The following THSD7A variants were observed in gnomAD, a reference collection of about 807,000 sequenced individuals.
THSD7A encodes the protein thrombospondin type 1 domain containing 7A.
Under a neutral mutation model 231.3 loss-of-function variants are expected in THSD7A, and 96 were observed. The ratio of observed to expected loss-of-function variants is 0.41; its 90% CI spans 0.35 to 0.49. The LOEUF (loss-of-function observed/expected upper bound fraction) is 0.49, where lower values mean the gene tolerates loss of function less well. Among genes scored for constraint, THSD7A ranks in the 20% least tolerant of loss-of-function variants. The pLI, the probability that THSD7A is intolerant of heterozygous loss-of-function variation, is 0.05. For synonymous variants in THSD7A, 940 were observed against 743.3 expected (o/e 1.26, Z -4.30); for missense variants, 2,290 against 2,070.2 (o/e 1.11, Z -2.06).
At position 11,447,429 on chromosome 7, in the gene THSD7A, A is replaced by G. The variant is rs1785007771; in HGVS notation, c.2606-5T>C. The G allele has an allele frequency of 6.5e-7, 1 of 1,544,230 alleles. No individual in the cohort carries two copies. Among genetic ancestry groups the G allele is most frequent in the Admixed American group, 2.1e-5 (1 of 46,798 alleles). Reference sequence around the variant, plus strand: ...CTTGCTTGCGACAAGTAATGGCTAAAAGAAAAGCATAAAGCTGTTATAACA... The same window carrying G: ...CTTGCTTGCGACAAGTAATGGCTAAGAGAAAAGCATAAAGCTGTTATAACA... On this transcript the variant is annotated splice_polypyrimidine_tract_variant and splice_region_variant and intron_variant, in intron 11 of 27. Transcript: ENST00000423059.
chr7:11,545,592 G>C (rs1789345549), intron 4 of THSD7A, among the ~76,000 whole-genome samples: 1 of 152,080 alleles, frequency 6.6e-6, no homozygotes, highest in South Asian at 2.1e-4. Context: ...CTCTGCACTG[G>C]GCTACTGAGC....
chr7:11,643,178 G>A (rs560961846), intron 1 of THSD7A, among the ~76,000 whole-genome samples: 3 of 152,134 alleles, frequency 2.0e-5, no homozygotes, highest in Admixed American at 1.3e-4. Flanking sequence ...GAGATAGTGT[G>A]TTTTCCCCTT....
chr7:11,409,039 T>A (rs905585016), intron 19 of THSD7A, among the ~76,000 whole-genome samples: 1 of 152,246 alleles, frequency 6.6e-6, no homozygotes, highest in Non-Finnish European at 1.5e-5. Flanking sequence ...CCTGTACTAC[T>A]TTTTTCCTTA....
intron 24 of THSD7A, among the ~76,000 whole-genome samples, chr7:11,379,935 G>A (rs558193138): frequency 1.3e-5 from 2 of 152,148 alleles, no homozygotes; most frequent in African/African-American, 4.8e-5. Context: ...GTACTCAGCA[G>A]GTATTCAACA....
intron 6 of THSD7A, among the ~76,000 whole-genome samples, chr7:11,524,333 C>G (rs905618397): frequency 6.6e-6 from 1 of 152,072 alleles, no homozygotes; most frequent in Admixed American, 6.6e-5. Flanking sequence ...CTTCTGGGCT[C>G]TGTCATGTTG....
At chr7:11,793,911 A>T (rs1202878471) in intron 1 of THSD7A, among the ~76,000 whole-genome samples, 3 of 151,952 alleles carry the variant, frequency 2.0e-5, no homozygotes, top group African/African-American at 7.2e-5. Flanking sequence ...AACAATATAC[A>T]TATGTATTTT....
intron 1 of THSD7A, among the ~76,000 whole-genome samples, chr7:11,698,296 G>C (rs978100007): frequency 1.3e-5 from 2 of 151,202 alleles, no homozygotes; most frequent in African/African-American, 4.8e-5. Flanking sequence ...TGGTTGTGGA[G>C]AATTTAAATA....
intron 23 of THSD7A, among the ~76,000 whole-genome samples, chr7:11,388,172 T>A (rs1438465695): frequency 6.6e-6 from 1 of 150,984 alleles, no homozygotes; most frequent in African/African-American, 2.4e-5. Context: ...CTTTTTTTTT[T>A]TGTTGTGTCT....
intron 2 of THSD7A, among the ~76,000 whole-genome samples, chr7:11,623,114 C>G (rs1204237888): frequency 1.3e-5 from 2 of 152,130 alleles, no homozygotes; most frequent in African/African-American, 2.4e-5. Context: ...TAGAAGGTAG[C>G]TATCATCCAG....
Position 11,831,684 on chromosome 7 carries a change from T to A in THSD7A, c.190+73A>T. 2 of 1,184,410 alleles carry A rather than the reference T, an allele frequency of 1.7e-6. No individual in the cohort carries two copies. Among genetic ancestry groups the A allele is most frequent in the Non-Finnish European group, 2.2e-6 (2 of 920,434 alleles). The allele number at this position is 1,184,410 out of a possible 1,614,324, so 73.4% of individuals were successfully genotyped here. A position where few individuals can be genotyped will look rare whatever the true frequency, so the allele number is the denominator to read the frequency against. ...AGCCATCCAAAAGCACCGGGGTCCC[T>A]ACAGAAGCCCACCAGCTCCTTAATG... On this transcript the variant is annotated intron_variant, in intron 1 of 27. Coordinates refer to ENST00000423059, the MANE Select transcript of THSD7A (RefSeq NM_015204.3). The surrounding 1 kb of genome is among the most constrained non-coding windows in gnomAD (Gnocchi z 5.0).
intron 10 of THSD7A, among the ~76,000 whole-genome samples, chr7:11,460,977 G>C (rs914292640): frequency 6.6e-6 from 1 of 152,168 alleles, no homozygotes; most frequent in Non-Finnish European, 1.5e-5. Context: ...GAAGACAAGA[G>C]TACATCATTG....
intron 4 of THSD7A, among the ~76,000 whole-genome samples, chr7:11,577,497 A>G (rs772361744): frequency 3.3e-5 from 5 of 151,748 alleles, no homozygotes; most frequent in Non-Finnish European, 7.4e-5. Context: ...TTGTATTTTT[A>G]GTAGAGATGG....
chr7:11,557,367 A>G (rs1042433986), intron 4 of THSD7A, among the ~76,000 whole-genome samples: 1 of 152,014 alleles, frequency 6.6e-6, no homozygotes, highest in African/African-American at 2.4e-5. Flanking sequence ...TATTTGTTTC[A>G]AACATGCTCA....
At chr7:11,401,991 T>G (rs1273693648) in intron 22 of THSD7A, 23 bp from the exon 23 acceptor site, 1 of 1,604,308 alleles carries the variant, frequency 6.2e-7, no homozygotes, top group Non-Finnish European at 8.5e-7. Context: ...TATTTGTAAT[T>G]TACACCCATA....
In THSD7A at chr7:11,570,844, C is replaced by A. The variant is rs185194359; in HGVS notation, c.1453+19616G>T. On this transcript the variant is annotated intron_variant, in intron 4 of 27. Transcript: ENST00000423059. ...CTCTATTTTCCCCTTGATGGGGGAC[C>A]AGTTGGCATGAAATGTGAAAAGAAC... 1.0e-3 allele frequency among the ~76,000 whole-genome samples: 153 copies of A among 152,218 alleles called. 1 individual carries two copies. The highest frequency in any genetic ancestry group is 3.5e-3 in the African/African-American group (144 of 41,534).
rs34060229 is a variant in THSD7A at position 11,777,993 on chromosome 7, CAA to C, written c.190+53762_190+53763del. On this transcript the variant is annotated intron_variant, in intron 1 of 27. Coordinates refer to ENST00000423059, the MANE Select transcript of THSD7A (RefSeq NM_015204.3). ...TGAAACCCCGTCTCTACTAAAAATACAAAAAAAAAAAAAATTAGCCGGGCGTA... is the reference window on the plus strand; with the variant it reads ...TGAAACCCCGTCTCTACTAAAAATACAAAAAAAAAAAATTAGCCGGGCGTA... Among the ~76,000 whole-genome samples the C allele has an allele frequency of 2.5e-3, 342 of 134,180 alleles. 3 individuals carry two copies. Among genetic ancestry groups the C allele is most frequent in the African/African-American group, 7.3e-3 (265 of 36,396 alleles). 88.0% of individuals were successfully genotyped at this position (134,180 alleles called of 152,430 possible). A position where few individuals can be genotyped will look rare whatever the true frequency, so the allele number is the denominator to read the frequency against.
At chr7:11,743,622 T>C (rs1415505092) in intron 1 of THSD7A, among the ~76,000 whole-genome samples, 1 of 151,872 alleles carries the variant, frequency 6.6e-6, no homozygotes, top group Admixed American at 6.6e-5. Context: ...AGAGGCAAAT[T>C]ATCACCAGGT....
At chr7:11,679,864 C>A (rs1031776749) in intron 1 of THSD7A, among the ~76,000 whole-genome samples, 6 of 151,872 alleles carry the variant, frequency 4.0e-5, no homozygotes, top group Admixed American at 3.3e-4. Flanking sequence ...TCATATGGAA[C>A]CAAAAAAGAG....
At chr7:11,617,589 A>G (rs911830003) in intron 2 of THSD7A, among the ~76,000 whole-genome samples, 1 of 152,218 alleles carries the variant, frequency 6.6e-6, no homozygotes, top group East Asian at 1.9e-4. Flanking sequence ...ATTGTTGGCA[A>G]ATAACACTAA....
Sources: allele counts gnomAD v4.1 joint callset (sites outside exome capture counted in the v4.1 genomes callset), GRCh38; gene constraint gnomAD v4.1.1; non-coding constraint Gnocchi (gnomAD v3.1); transcripts MANE v1.5; gene names NCBI Gene and HGNC (gene_info 2026-07-23, HGNC 2026-07-21).